GRIP1: variants seen among roughly 807,000 people sequenced by gnomAD.
The protein encoded by GRIP1 is glutamate receptor-interacting protein 1.
Under a neutral mutation model 129.9 loss-of-function variants are expected in GRIP1, and 45 were observed. The observed-to-expected ratio is 0.35, with a 90% CI of 0.27 to 0.44. The LOEUF (loss-of-function observed/expected upper bound fraction) is 0.44, where lower values mean the gene tolerates loss of function less well. Among genes scored for constraint, GRIP1 ranks in the 20% least tolerant of loss-of-function variants. GRIP1 has a pLI of 1.00. For missense variants in GRIP1, 1,196 were observed against 1,396.8 expected, an observed-to-expected ratio of 0.86 and a Z score of 2.29; for synonymous variants, 530 against 520.8, an observed-to-expected ratio of 1.02 and a Z score of -0.24.
chr12:66,575,941 C>T (rs1029935381), intron 2 of GRIP1, among the ~76,000 whole-genome samples: 13 of 151,996 alleles, frequency 8.6e-5, no homozygotes, highest in African/African-American at 2.9e-4. Context: ...AGAATATATT[C>T]AAGTTTCTAG....
At chr12:66,944,419 A>T (rs957761687) in intron 1 of GRIP1, among the ~76,000 whole-genome samples, 1 of 151,952 alleles carries the variant, frequency 6.6e-6, no homozygotes, top group African/African-American at 2.4e-5. Context: ...TTGAAATTCA[A>T]GTTGATAGGA....
chr12:66,856,890 T>C (rs1052144260), intron 1 of GRIP1, among the ~76,000 whole-genome samples: 80 of 152,152 alleles, frequency 5.3e-4, no homozygotes, highest in African/African-American at 1.9e-3. Flanking sequence ...CCCAAAGGAT[T>C]ATAAAACATG....
chr12:66,471,525 A>G (rs952984798), intron 7 of GRIP1, among the ~76,000 whole-genome samples: 1 of 152,184 alleles, frequency 6.6e-6, no homozygotes, highest in Non-Finnish European at 1.5e-5. Flanking sequence ...AAAATGATTA[A>G]TTGTATGTTA....
intron 14 of GRIP1, among the ~76,000 whole-genome samples, chr12:66,421,582 C>A (rs1037490747): frequency 6.6e-6 from 1 of 151,234 alleles, no homozygotes; most frequent in Admixed American, 6.6e-5. Context: ...TTTTTCCTCA[C>A]AAGGAAATCT....
intron 1 of GRIP1, among the ~76,000 whole-genome samples, chr12:66,893,474 G>A (rs11176478): frequency 0.16 from 24,264 of 152,038 alleles, 3,435 homozygotes; most frequent in African/African-American, 0.38. Flanking sequence ...CTATGCTCAA[G>A]CAATCCTCCT....
intron 1 of GRIP1, among the ~76,000 whole-genome samples, chr12:66,975,629 T>C (rs182054312): frequency 8.3e-4 from 126 of 152,142 alleles, no homozygotes; most frequent in Admixed American, 4.1e-3. Context: ...ATAAATAAAA[T>C]AGAGGAGTGT....
intron 7 of GRIP1, among the ~76,000 whole-genome samples, chr12:66,470,834 G>A (rs2059418998): frequency 6.6e-6 from 1 of 152,160 alleles, no homozygotes; most frequent in Non-Finnish European, 1.5e-5. Context: ...GAAATAATAG[G>A]GACCATACCC....
intron 1 of GRIP1, among the ~76,000 whole-genome samples, chr12:66,740,589 C>A (rs954744553): frequency 6.6e-6 from 1 of 152,122 alleles, no homozygotes; most frequent in East Asian, 1.9e-4. Flanking sequence ...GTTGATTCAT[C>A]CCATTAGAAG....
upstream of GRIP1, among the ~76,000 whole-genome samples, chr12:66,679,439 A>C (rs1178011138): frequency 9.2e-6 from 1 of 108,692 alleles, no homozygotes; most frequent in Non-Finnish European, 1.9e-5. Context: ...TCTTTAAACA[A>C]CAACCAAAAA....
intron 2 of GRIP1, among the ~76,000 whole-genome samples, chr12:66,585,847 T>C (rs2063610322): frequency 1.3e-5 from 2 of 152,040 alleles, no homozygotes; most frequent in Non-Finnish European, 2.9e-5. Flanking sequence ...ATTTCTCTGA[T>C]GGCCAGTGAT....
chr12:66,659,556 A>T (rs2033374261), intron 1 of GRIP1, among the ~76,000 whole-genome samples: 1 of 152,250 alleles, frequency 6.6e-6, no homozygotes, highest in African/African-American at 2.4e-5. Context: ...GTGAATGTTA[A>T]GGTGTTTCCA....
At chr12:66,687,401 G>GA (rs1316472362) in intron 1 of GRIP1, among the ~76,000 whole-genome samples, 22 of 152,264 alleles carry the variant, frequency 1.4e-4, no homozygotes, top group Non-Finnish European at 2.4e-4. Context: ...TGGTAGAGTT[G>GA]AAAGATGTCT....
chr12:66,498,228 AGT>A (rs1399151647), intron 7 of GRIP1, among the ~76,000 whole-genome samples: 3 of 152,202 alleles, frequency 2.0e-5, no homozygotes, highest in African/African-American at 4.8e-5. Context: ...CGCGCATGAA[AGT>A]GTAAGGCTTG....
At chr12:66,641,730 G>T (rs10878481) in intron 1 of GRIP1, among the ~76,000 whole-genome samples, 29,779 of 152,056 alleles carry the variant, frequency 0.2, 3,054 homozygotes, top group Non-Finnish European at 0.23. Flanking sequence ...GACCTGGAAG[G>T]ATTCCCAAGG....
chr12:66,641,519 T>C (rs2031925135), intron 1 of GRIP1, among the ~76,000 whole-genome samples: 1 of 152,338 alleles, frequency 6.6e-6, no homozygotes, highest in South Asian at 2.1e-4. Context: ...ATATCCTCTT[T>C]GCCGTTTTTC....
chr12:67,040,080 CT>C (rs760454417), intron 1 of GRIP1, among the ~76,000 whole-genome samples: 70 of 152,286 alleles, frequency 4.6e-4, no homozygotes, highest in Non-Finnish European at 7.8e-4. Flanking sequence ...CTCTACGCTG[CT>C]TTCGTCTTAG....
intron 15 of GRIP1, among the ~76,000 whole-genome samples, chr12:66,417,406 A>G (rs2057646498): frequency 6.6e-6 from 1 of 152,174 alleles, no homozygotes; most frequent in Non-Finnish European, 1.5e-5. Flanking sequence ...CACTGTCACC[A>G]CTGTTATGCA....
At chr12:66,349,303 C>A in intron 24 of GRIP1, 57 bp from the exon 25 acceptor site, 1 of 1,389,646 alleles carries the variant, frequency 7.2e-7, no homozygotes, top group Non-Finnish European at 1.0e-6. Context: ...TTCCCAAAAC[C>A]CGGAGTAACA....
At chr12:66,971,919 G>A (rs1254308888) in intron 1 of GRIP1, among the ~76,000 whole-genome samples, 1 of 152,206 alleles carries the variant, frequency 6.6e-6, no homozygotes, top group African/African-American at 2.4e-5. Context: ...CAGCTTGGCT[G>A]CAGTGTAGTT....
Sources: allele counts gnomAD v4.1 joint callset (sites outside exome capture counted in the v4.1 genomes callset), GRCh38; gene constraint gnomAD v4.1.1; transcripts MANE v1.5; gene names NCBI Gene and HGNC (gene_info 2026-07-23, HGNC 2026-07-21).